VWA8: variants seen among roughly 807,000 people sequenced by gnomAD.
VWA8 encodes von Willebrand factor A domain-containing protein 8.
In VWA8, 221 loss-of-function variants were observed where a neutral mutation model predicts 241.5. That is an observed-to-expected ratio of 0.91 (90% CI 0.82 to 1.02). VWA8 has a LOEUF of 1.02. Among genes scored for constraint, VWA8 ranks in the 50% least tolerant of loss-of-function variants. The probability of loss-of-function intolerance (pLI) is 0.00; values close to 1 mark genes in which losing one functional copy is unlikely to be tolerated. For missense variants in VWA8, 2,322 were observed against 2,328.7 expected, an observed-to-expected ratio of 1.00 and a Z score of 0.06; for synonymous variants, 852 against 827.1, an observed-to-expected ratio of 1.03 and a Z score of -0.52.
chr13:41,877,913 G>C (rs1356309031), intron 9 of VWA8, among the ~76,000 whole-genome samples: 1 of 152,202 alleles, frequency 6.6e-6, no homozygotes, highest in Admixed American at 6.5e-5. Context: ...AACATCACAT[G>C]ATGAGCACCA....
chr13:41,752,905 C>T (rs542718874), intron 21 of VWA8, among the ~76,000 whole-genome samples: 42 of 152,244 alleles, frequency 2.8e-4, no homozygotes, highest in African/African-American at 9.1e-4. Context: ...CTAAAACCCA[C>T]GCCCTTTCTA....
intron 2 of VWA8, among the ~76,000 whole-genome samples, chr13:41,948,638 G>A (rs2138162265): frequency 6.6e-6 from 1 of 152,254 alleles, no homozygotes; most frequent in East Asian, 1.9e-4. Context: ...GTCGGTCAAA[G>A]GTAAAATGGT....
chr13:41,689,645 G>T, intron 33 of VWA8, 137 bp from the exon 34 acceptor site: 1 of 889,920 alleles, frequency 1.1e-6, no homozygotes, highest in Non-Finnish European at 1.5e-6. Flanking sequence ...TACATTCATG[G>T]GCTTTTGTTT....
chr13:41,785,155 T>C (rs1247263683), intron 18 of VWA8, among the ~76,000 whole-genome samples: 1 of 152,060 alleles, frequency 6.6e-6, no homozygotes, highest in African/African-American at 2.4e-5. Flanking sequence ...TGATAGAAGC[T>C]ATCATTTATT....
intron 4 of VWA8, among the ~76,000 whole-genome samples, chr13:41,902,252 G>A (rs1355846840): frequency 6.6e-6 from 1 of 151,966 alleles, no homozygotes; most frequent in East Asian, 1.9e-4. Context: ...ATGTCAAAAG[G>A]AGATGCTCCT....
intron 9 of VWA8, among the ~76,000 whole-genome samples, chr13:41,873,273 C>A (rs990949876): frequency 6.6e-6 from 1 of 151,996 alleles, no homozygotes; most frequent in Non-Finnish European, 1.5e-5. Context: ...ATTAAAAGAA[C>A]TAGAAAAGCA....
chr13:41,847,537 G>T (rs1313369845), intron 12 of VWA8, among the ~76,000 whole-genome samples: 1 of 152,150 alleles, frequency 6.6e-6, no homozygotes, highest in Admixed American at 6.5e-5. Flanking sequence ...AAGGGAGAAG[G>T]CTGAAGAGGT....
In VWA8 at chr13:41,611,661, G is replaced by A. The variant is rs1383927740; in HGVS notation, c.4792C>T (p.Gln1598Ter). Reference protein sequence around the residue: ...YRLDAGHTVYQVSQAEKDAVP... With the variant: ...YRLDAGHTVY The stretch of plus-strand genomic sequence containing the variant: ...GCATCTTTCTCAGCCTGAGAGACCT[G>A]GTACACCGTATGGCCTGCATCCAGC... The change falls in exon 39 of 45, where the codon CAG (glutamine) becomes TAG (stop). Residue 1598 changes from glutamine to a stop codon, truncating the protein, a stop_gained. Transcript: ENST00000379310. LOFTEE classifies it high-confidence loss of function. 23 of 1,614,060 alleles carry A rather than the reference G, an allele frequency of 1.4e-5. No homozygotes were observed. Among genetic ancestry groups the A allele is most frequent in the Non-Finnish European group, 1.9e-5 (22 of 1,179,976 alleles).
intron 2 of VWA8, among the ~76,000 whole-genome samples, chr13:41,925,341 A>G (rs1470372595): frequency 6.6e-6 from 1 of 152,214 alleles, no homozygotes; most frequent in African/African-American, 2.4e-5. Context: ...ACTGGTAAAT[A>G]CATAATCAAA....
intron 38 of VWA8, among the ~76,000 whole-genome samples, chr13:41,612,773 G>A (rs188379525): frequency 6.6e-6 from 1 of 152,280 alleles, no homozygotes; most frequent in African/African-American, 2.4e-5. Flanking sequence ...CACTGCTATT[G>A]TAGAGTATAT....
intron 12 of VWA8, among the ~76,000 whole-genome samples, chr13:41,847,281 A>G (rs1872331403): frequency 6.6e-6 from 1 of 152,210 alleles, no homozygotes; most frequent in Non-Finnish European, 1.5e-5. Context: ...ACCACATAGT[A>G]GTTGGTACTA....
chr13:41,901,593 C>A (rs1485374517), intron 4 of VWA8, among the ~76,000 whole-genome samples: 1 of 151,974 alleles, frequency 6.6e-6, no homozygotes. Flanking sequence ...GTAGGCCAGT[C>A]GCAGTGGCTC....
At chr13:41,690,589 T>G (rs2045169887) in intron 32 of VWA8, among the ~76,000 whole-genome samples, 1 of 152,102 alleles carries the variant, frequency 6.6e-6, no homozygotes, top group Non-Finnish European at 1.5e-5. Context: ...GATAAAACTC[T>G]TTGATCAGCC....
At chr13:41,885,649 C>T (rs1357830141) in intron 8 of VWA8, among the ~76,000 whole-genome samples, 1 of 152,248 alleles carries the variant, frequency 6.6e-6, no homozygotes, top group Non-Finnish European at 1.5e-5. Flanking sequence ...ACACCTCTTA[C>T]TTGATCAGGC....
chr13:41,957,709 A>T lies in VWA8; in HGVS notation c.163+3144T>A, dbSNP rs188297016. The stretch of plus-strand genomic sequence containing the variant: ...TGGGTGGGAGGATCATGTTTTAGGG[A>T]ATCTGTACTTATCACTCTTCTATAA... On this transcript the variant is annotated intron_variant, in intron 1 of 44. Coordinates refer to ENST00000379310, the MANE Select transcript of VWA8 (RefSeq NM_015058.2). 2.0e-5 allele frequency among the ~76,000 whole-genome samples: 3 copies of T among 152,260 alleles called. No homozygotes were observed. In the East Asian group the frequency reaches 5.8e-4, roughly 29 times the overall value.
intron 44 of VWA8, among the ~76,000 whole-genome samples, chr13:41,568,888 C>CCAA (rs1268601843): frequency 6.6e-6 from 1 of 152,058 alleles, no homozygotes; most frequent in East Asian, 1.9e-4. Flanking sequence ...GAAATTTTTT[C>CCAA]CAACTCATTT....
At chr13:41,757,396 G>A (rs1236352768) in intron 21 of VWA8, among the ~76,000 whole-genome samples, 1 of 151,742 alleles carries the variant, frequency 6.6e-6, no homozygotes, top group African/African-American at 2.4e-5. Context: ...AAATTTGGAT[G>A]AAGCTGGAGT....
At chr13:41,834,826 C>G (rs1871642356) in intron 12 of VWA8, among the ~76,000 whole-genome samples, 1 of 152,154 alleles carries the variant, frequency 6.6e-6, no homozygotes, top group Admixed American at 6.5e-5. Context: ...GACATGGAAT[C>G]AACCTAAATG....
chr13:41,613,815 C>T (rs2044604806), intron 38 of VWA8, among the ~76,000 whole-genome samples: 1 of 152,028 alleles, frequency 6.6e-6, no homozygotes, highest in South Asian at 2.1e-4. Flanking sequence ...ACTTGTTGGG[C>T]CAGAGCTCAG....
Sources: allele counts gnomAD v4.1 joint callset (sites outside exome capture counted in the v4.1 genomes callset), GRCh38; gene constraint gnomAD v4.1.1; transcripts MANE v1.5; gene names NCBI Gene and HGNC (gene_info 2026-07-23, HGNC 2026-07-21).